UBE3A: variants seen among roughly 807,000 people sequenced by gnomAD.
UBE3A encodes ubiquitin protein ligase E3A.
UBE3A carries 6 observed loss-of-function variants against 83.4 expected under a neutral mutation model. The observed-to-expected ratio is 0.07, with a 90% CI of 0.04 to 0.14. The LOEUF is 0.14. Ranked by LOEUF, UBE3A falls within the 10% of genes least tolerant of loss-of-function variation. UBE3A has a pLI of 1.00. For synonymous variants in UBE3A, 337 were observed against 355.4 expected (o/e 0.95, Z 0.58); for missense variants, 456 against 1,036.1 (o/e 0.44, Z 7.69).
chr15:25,339,275 GA>G lies in UBE3A; in HGVS notation c.2499-19del, dbSNP rs549180002. 1 of 1,609,022 alleles carries G rather than the reference GA, an allele frequency of 6.2e-7. No homozygotes were observed. Among genetic ancestry groups the G allele is most frequent in the Non-Finnish European group, 8.5e-7 (1 of 1,177,874 alleles). ...TAGGTAACCTAAATAGAGAAAAGGG[GA>G]AAAAAACAGGAAAACTGTAAGTCAT... On this transcript the variant is annotated intron_variant, in intron 12 of 12. Coordinates refer to ENST00000648336, the MANE Select transcript of UBE3A (RefSeq NM_130839.5).
In UBE3A at chr15:25,371,109, A is replaced by G; in HGVS notation, c.1065T>C (p.Ser355=). The G allele has an allele frequency of 1.9e-6, 3 of 1,614,072 alleles. No homozygotes were observed. The highest frequency in any genetic ancestry group is 2.7e-5 in the African/African-American group (2 of 75,016). The change falls in exon 6 of 13, where the codon AGT becomes AGC. Residue 355 remains serine (S), a synonymous_variant. Transcript: ENST00000648336. The surrounding 1 kb of genome is among the most constrained non-coding windows in gnomAD (Gnocchi z 5.3). ...CATCATCATCATTCACTAGATTTCG[A>G]CTGTTAAATTCATTGCTTATGACTT... The part of the protein sequence containing the change: ...TYKVISNEFN[S]RNLVNDDDAI...
chr15:25,385,837 A>C (rs910663013), intron 4 of UBE3A, among the ~76,000 whole-genome samples: 11 of 151,518 alleles, frequency 7.3e-5, no homozygotes, highest in Non-Finnish European at 1.5e-4. Context: ...AAAGCTAAAA[A>C]CTCCAGAGTT....
intron 1 of UBE3A, among the ~76,000 whole-genome samples, chr15:25,435,211 T>A (rs902055220): frequency 7.2e-6 from 1 of 139,796 alleles, no homozygotes; most frequent in African/African-American, 2.7e-5. Context: ...AAAATGAAGT[T>A]CCATTATGTG....
intron 11 of UBE3A, among the ~76,000 whole-genome samples, chr15:25,350,376 C>A (rs968129338): frequency 6.6e-6 from 1 of 151,226 alleles, no homozygotes; most frequent in African/African-American, 2.4e-5. Flanking sequence ...ACATCAAAAA[C>A]CCTGAATTAT....
chr15:25,414,911 G>A (rs2090600114), intron 1 of UBE3A, among the ~76,000 whole-genome samples: 1 of 152,178 alleles, frequency 6.6e-6, no homozygotes. Context: ...GAGAACATGT[G>A]TATCATTTGC....
chr15:25,352,527 T>C (rs750996092), intron 11 of UBE3A, among the ~76,000 whole-genome samples: 2 of 152,248 alleles, frequency 1.3e-5, no homozygotes, highest in Non-Finnish European at 2.9e-5. Context: ...TATCTTAATT[T>C]AAAATCATTG....
chr15:25,398,194 C>CA (rs1555415258), intron 4 of UBE3A, among the ~76,000 whole-genome samples: 4 of 122,080 alleles, frequency 3.3e-5, no homozygotes, highest in Admixed American at 7.9e-5. Flanking sequence ...AAAAAAAACA[C>CA]AAAAAACAAA....
intron 4 of UBE3A, among the ~76,000 whole-genome samples, chr15:25,402,491 A>G (rs902858846): frequency 1.3e-5 from 2 of 152,224 alleles, no homozygotes; most frequent in African/African-American, 4.8e-5. Context: ...GCAGGGCTGC[A>G]GGGACCACCC....
At chr15:25,420,253 AACAGAG>A (rs1889115852) in intron 1 of UBE3A, among the ~76,000 whole-genome samples, 1 of 152,202 alleles carries the variant, frequency 6.6e-6, no homozygotes, top group Admixed American at 6.5e-5. Context: ...ACCAGCGATA[AACAGAG>A]ACATTTCATA....
rs544291559 is a variant in UBE3A, at chr15:25,407,595, T to G, written c.20+1493A>C. 4.0e-3 allele frequency: 606 copies of G among 152,806 alleles called. 1 individual carries two copies. The highest frequency in any genetic ancestry group is 0.01 in the Middle Eastern group (3 of 296). The allele number at this position is 152,806 out of a possible 1,614,324, so 9.5% of individuals were successfully genotyped here. ...TGTTTGCCACCAAACTGTAACATAT[T>G]AATTACTACTTTTTACATATATTAA... On this transcript the variant is annotated intron_variant, in intron 3 of 12. Coordinates refer to ENST00000648336, the MANE Select transcript of UBE3A (RefSeq NM_130839.5).
At chr15:25,397,462 T>C (rs995705148) in intron 4 of UBE3A, among the ~76,000 whole-genome samples, 1 of 152,160 alleles carries the variant, frequency 6.6e-6, no homozygotes, top group African/African-American at 2.4e-5. Context: ...GAAAGATCTC[T>C]AGAAACCCAG....
At chr15:25,436,992 TAC>T (rs1156274750) in intron 1 of UBE3A, among the ~76,000 whole-genome samples, 3 of 152,326 alleles carry the variant, frequency 2.0e-5, no homozygotes, top group South Asian at 4.1e-4. Context: ...GATTATAAGT[TAC>T]CTCTTCATAT....
chr15:25,375,794 T>G, intron 4 of UBE3A, 31 bp from the exon 5 acceptor site: 1 of 1,602,814 alleles, frequency 6.2e-7, no homozygotes, highest in Middle Eastern at 1.6e-4. Context: ...ATAAGCACAG[T>G]GATTAGTACA....
chr15:25,363,715 A>C (rs913706554), intron 6 of UBE3A, among the ~76,000 whole-genome samples: 3 of 151,996 alleles, frequency 2.0e-5, no homozygotes, highest in Non-Finnish European at 4.4e-5. Flanking sequence ...ATTCTTTTCC[A>C]TATTTTTCCA....
chr15:25,350,902 C>T (rs565726961), intron 11 of UBE3A, among the ~76,000 whole-genome samples: 47 of 152,270 alleles, frequency 3.1e-4, no homozygotes, highest in African/African-American at 1.1e-3. Context: ...ATTGTCTGTT[C>T]TAATGGGGGA....
At chr15:25,383,219 C>G (rs2082505430) in intron 4 of UBE3A, among the ~76,000 whole-genome samples, 1 of 152,124 alleles carries the variant, frequency 6.6e-6, no homozygotes, top group African/African-American at 2.4e-5. Flanking sequence ...GGAATTTATT[C>G]ATAAAATCCA....
intron 4 of UBE3A, among the ~76,000 whole-genome samples, chr15:25,396,357 C>T (rs970680291): frequency 6.6e-6 from 1 of 152,122 alleles, no homozygotes; most frequent in Non-Finnish European, 1.5e-5. Context: ...GTAGTCCCAG[C>T]ACTTTGTGAG....
intron 4 of UBE3A, among the ~76,000 whole-genome samples, chr15:25,377,970 GATTA>G (rs1384618825): frequency 2.7e-5 from 4 of 149,592 alleles, no homozygotes; most frequent in Non-Finnish European, 5.9e-5. Context: ...TGGATGATGT[GATTA>G]AGTGAGTTTT....
At chr15:25,412,617 T>C (rs1223269056) in intron 1 of UBE3A, among the ~76,000 whole-genome samples, 1 of 152,200 alleles carries the variant, frequency 6.6e-6, no homozygotes, top group Non-Finnish European at 1.5e-5. Flanking sequence ...AAATTATCAC[T>C]GTAAATTCTT....
Sources: gnomAD v4.1 joint callset for allele counts (sites outside exome capture counted in the v4.1 genomes callset) on GRCh38, gnomAD v4.1.1 for gene constraint, Gnocchi (gnomAD v3.1) non-coding constraint, MANE v1.5 for transcripts, NCBI Gene and HGNC (gene_info 2026-07-23, HGNC 2026-07-21) for gene names.